SV2C: variants seen among roughly 807,000 people sequenced by gnomAD.
SV2C encodes solute carrier family 22 member B3.
A neutral mutation model predicts 79.7 loss-of-function variants in SV2C; 49 were observed. That is an observed-to-expected ratio of 0.61 (90% CI 0.49 to 0.78). The LOEUF (loss-of-function observed/expected upper bound fraction) is 0.78. SV2C is among the 30% of genes least tolerant of loss of function. The probability of loss-of-function intolerance (pLI) is 0.00; values close to 1 mark genes in which losing one functional copy is unlikely to be tolerated. For synonymous variants in SV2C, 334 were observed against 333.2 expected (o/e 1.00, Z -0.03); for missense variants, 833 against 912.9 (o/e 0.91, Z 1.13).
chr5:76,220,334 AC>A (rs1363891308), intron 4 of SV2C, among the ~76,000 whole-genome samples: 20 of 152,254 alleles, frequency 1.3e-4, no homozygotes, highest in Non-Finnish European at 2.4e-4. Flanking sequence ...AAACCACTGG[AC>A]CCCAGATTCT....
chr5:75,902,227 C>G, the SV2C span, among the ~76,000 whole-genome samples: 1 of 152,218 alleles, frequency 6.6e-6, no homozygotes, highest in East Asian at 1.9e-4. Context: ...ATTCGGCCAT[C>G]TTGGCTCTCA....
rs529670998 is a variant in SV2C, at chr5:76,275,011, C to T, written c.914-10151C>T. Among the ~76,000 whole-genome samples, 298 of 152,140 alleles carry T rather than the reference C, an allele frequency of 2.0e-3. 1 individual carries two copies. Among genetic ancestry groups the T allele is most frequent in the African/African-American group, 6.9e-3 (287 of 41,498 alleles). Reference sequence around the variant, plus strand: ...AAAGAAAATTTTAGTTGGCCAGGTGCCTTGTGAGTAAAGAAGACCATAGAC... The same window carrying T: ...AAAGAAAATTTTAGTTGGCCAGGTGTCTTGTGAGTAAAGAAGACCATAGAC... On this transcript the variant is annotated intron_variant, in intron 4 of 12. Coordinates refer to ENST00000502798, the MANE Select transcript of SV2C (RefSeq NM_014979.4).
the SV2C span, among the ~76,000 whole-genome samples, chr5:76,032,399 C>T: frequency 2.6e-5 from 4 of 152,216 alleles, no homozygotes; most frequent in East Asian, 7.7e-4. Flanking sequence ...CCGCCCCTCT[C>T]CCCCGACCCC....
At chr5:76,182,340 T>G (rs1430671945) in intron 2 of SV2C, among the ~76,000 whole-genome samples, 1 of 152,208 alleles carries the variant, frequency 6.6e-6, no homozygotes, top group Non-Finnish European at 1.5e-5. Context: ...GAATCCTTAA[T>G]GTGAACTTCA....
chr5:75,991,354 A>G, the SV2C span, among the ~76,000 whole-genome samples: 7 of 151,416 alleles, frequency 4.6e-5, no homozygotes, highest in Non-Finnish European at 3.0e-5. Flanking sequence ...TCAATCCTCT[A>G]TCAGTCATAT....
intron 12 of SV2C, among the ~76,000 whole-genome samples, chr5:76,310,410 G>A (rs1292390047): frequency 1.3e-5 from 2 of 152,222 alleles, no homozygotes; most frequent in Admixed American, 6.5e-5. Flanking sequence ...CAGGTGCAAA[G>A]GTCCTGAGGT....
chr5:75,980,826 C>T, the SV2C span, among the ~76,000 whole-genome samples: 2 of 152,084 alleles, frequency 1.3e-5, no homozygotes, highest in East Asian at 1.9e-4. Flanking sequence ...TCTTTCTTAC[C>T]ACTCCTATTC....
At chr5:76,323,094 C>T (rs538857891) in intron 12 of SV2C, among the ~76,000 whole-genome samples, 4 of 152,180 alleles carry the variant, frequency 2.6e-5, no homozygotes, top group Non-Finnish European at 5.9e-5. Flanking sequence ...TCAGAGTAAA[C>T]AGGCAAACTA....
chr5:76,118,890 C>A (rs1267072513), intron 1 of SV2C, among the ~76,000 whole-genome samples: 1 of 152,054 alleles, frequency 6.6e-6, no homozygotes, highest in Non-Finnish European at 1.5e-5. Context: ...GGCTGAGGCA[C>A]AAGAATCGCT....
chr5:76,120,126 T>A (rs1748429280), intron 1 of SV2C, among the ~76,000 whole-genome samples: 1 of 152,142 alleles, frequency 6.6e-6, no homozygotes, highest in Non-Finnish European at 1.5e-5. Flanking sequence ...ACTCCATAAA[T>A]GTGTACAATT....
the SV2C span, among the ~76,000 whole-genome samples, chr5:75,999,524 G>A: frequency 1.3e-5 from 2 of 152,094 alleles, no homozygotes; most frequent in African/African-American, 4.8e-5. Flanking sequence ...CGTGTCCAAA[G>A]CCTGAAAAGT....
chr5:76,050,448 A>C, the SV2C span, among the ~76,000 whole-genome samples: 4 of 152,234 alleles, frequency 2.6e-5, no homozygotes, highest in Non-Finnish European at 4.4e-5. Flanking sequence ...ATCCTGAACT[A>C]GATAAAATGA....
chr5:76,072,088 GTTTGTTTT>G, the SV2C span, among the ~76,000 whole-genome samples: 3 of 152,106 alleles, frequency 2.0e-5, no homozygotes, highest in African/African-American at 7.2e-5. Flanking sequence ...GCACATGTTT[GTTTGTTTT>G]TTTAACTAAA....
chr5:76,082,214 G>C (rs1329924938), upstream of SV2C: 1 of 152,270 alleles, frequency 6.6e-6, no homozygotes, highest in African/African-American at 2.4e-5. Context: ...AGGGACGTGA[G>C]GATGCCCTAC....
At chr5:75,953,129 G>T in the SV2C span, among the ~76,000 whole-genome samples, 1 of 152,038 alleles carries the variant, frequency 6.6e-6, no homozygotes, top group Non-Finnish European at 1.5e-5. Context: ...GTGAAAAGGA[G>T]CTGGCATGTA....
At chr5:76,133,382 T>C (rs759499498) in intron 2 of SV2C, among the ~76,000 whole-genome samples, 17 of 152,260 alleles carry the variant, frequency 1.1e-4, no homozygotes, top group South Asian at 4.1e-4. Flanking sequence ...TGAAAACTAG[T>C]AACTTTATTA....
At chr5:76,141,908 C>T (rs1328343972) in intron 2 of SV2C, among the ~76,000 whole-genome samples, 1 of 142,946 alleles carries the variant, frequency 7.0e-6, no homozygotes, top group Non-Finnish European at 1.5e-5. Flanking sequence ...AATTATCTAA[C>T]AATTGGATCA....
chr5:75,892,027 T>A, the SV2C span, among the ~76,000 whole-genome samples: 1 of 152,190 alleles, frequency 6.6e-6, no homozygotes, highest in East Asian at 1.9e-4. Context: ...TTCCTAAACT[T>A]TGATCTTTAT....
At chr5:76,341,852 G>A (rs1186246356) in intron 12 of SV2C, among the ~76,000 whole-genome samples, 3 of 152,014 alleles carry the variant, frequency 2.0e-5, no homozygotes, top group Admixed American at 1.3e-4. Flanking sequence ...TTGGGGTGCC[G>A]AAATGGGGTG....
Sources: allele counts gnomAD v4.1 joint callset (sites outside exome capture counted in the v4.1 genomes callset), GRCh38; gene constraint gnomAD v4.1.1; transcripts MANE v1.5; gene names NCBI Gene and HGNC (gene_info 2026-07-23, HGNC 2026-07-21).